TRRAP: variants seen among roughly 807,000 people sequenced by gnomAD.
The protein encoded by TRRAP is transformation/transcription domain associated protein.
Under a neutral mutation model 438.8 loss-of-function variants are expected in TRRAP, and 41 were observed. That is an observed-to-expected ratio of 0.09 (90% CI 0.07 to 0.12). The LOEUF (loss-of-function observed/expected upper bound fraction) is 0.12. Ranked by LOEUF, TRRAP falls within the 10% of genes least tolerant of loss-of-function variation. The pLI, the probability that TRRAP is intolerant of heterozygous loss-of-function variation, is 1.00. For synonymous variants in TRRAP, 1,994 were observed against 1,962.9 expected (o/e 1.02, Z -0.42); for missense variants, 3,122 against 5,055.1 (o/e 0.62, Z 11.60).
At chr7:98,954,292 G>A (rs1372972773) in intron 40 of TRRAP, among the ~76,000 whole-genome samples, 2 of 152,238 alleles carry the variant, frequency 1.3e-5, no homozygotes, top group African/African-American at 4.8e-5. Context: ...ATGCCCTTTG[G>A]CAAGTTAATG....
At chr7:99,007,080 T>C (rs921351111) in intron 69 of TRRAP, among the ~76,000 whole-genome samples, 3 of 152,236 alleles carry the variant, frequency 2.0e-5, no homozygotes, top group African/African-American at 7.2e-5. Context: ...AACAGAGTAC[T>C]GGTCACCATG....
intron 1 of TRRAP, among the ~76,000 whole-genome samples, chr7:98,880,262 G>GTTTTGT (rs1554402830): frequency 0.38 from 50,455 of 132,030 alleles, 11,609 homozygotes; most frequent in Non-Finnish European, 0.49. Flanking sequence ...TGTTGTTGTT[G>GTTTTGT]TTTTTTTTTT....
At chr7:98,951,890 G>A (rs1554418307) in intron 39 of TRRAP, among the ~76,000 whole-genome samples, 1 of 152,064 alleles carries the variant, frequency 6.6e-6, no homozygotes, top group Admixed American at 6.6e-5. Flanking sequence ...ATGGGGTCCA[G>A]ACAGGACCCC....
chr7:98,937,410 T>C, intron 29 of TRRAP, 133 bp downstream of exon 29: 1 of 1,323,698 alleles, frequency 7.6e-7, no homozygotes, highest in Admixed American at 3.0e-5. Flanking sequence ...ATGTGGTTAT[T>C]ACACACTAAA....
At chr7:99,008,324 C>G in intron 69 of TRRAP, 53 bp from the exon 70 acceptor site, 1 of 1,564,476 alleles carries the variant, frequency 6.4e-7, no homozygotes, top group South Asian at 1.2e-5. Context: ...TGGAGCTGAG[C>G]ACTGGCCCGC....
At chr7:98,965,119 C>G (rs1040783369) in intron 48 of TRRAP, among the ~76,000 whole-genome samples, 10 of 152,372 alleles carry the variant, frequency 6.6e-5, no homozygotes, top group African/African-American at 2.2e-4. Flanking sequence ...TTGAGACTCT[C>G]TCTCACGTGT....
chr7:98,894,109 GA>G (rs1554405387), intron 6 of TRRAP, among the ~76,000 whole-genome samples: 9 of 152,188 alleles, frequency 5.9e-5, no homozygotes, highest in African/African-American at 2.2e-4. Context: ...TGACCAAACT[GA>G]CAGGTTATTT....
At chr7:98,975,151 C>G (rs570320295) in intron 53 of TRRAP, among the ~76,000 whole-genome samples, 1 of 152,352 alleles carries the variant, frequency 6.6e-6, no homozygotes, top group Admixed American at 6.5e-5. Flanking sequence ...ACAGTCCTCA[C>G]AGGGCAGCCT....
At chr7:98,895,346 C>T (rs1424272031) in intron 6 of TRRAP, among the ~76,000 whole-genome samples, 1 of 152,100 alleles carries the variant, frequency 6.6e-6, no homozygotes, top group Non-Finnish European at 1.5e-5. Flanking sequence ...CATAGACTAG[C>T]TTTGTAGGAG....
chr7:98,909,970 A>G (rs1034481798), intron 14 of TRRAP, 86 bp from the exon 15 acceptor site: 15 of 1,475,474 alleles, frequency 1.0e-5, no homozygotes, highest in Non-Finnish European at 1.3e-5. Flanking sequence ...TGTCAGTCCC[A>G]TCTTATTTTA....
intron 22 of TRRAP, 93 bp downstream of exon 22, chr7:98,925,356 C>T: frequency 6.6e-7 from 1 of 1,522,076 alleles, no homozygotes; most frequent in Non-Finnish European, 8.8e-7. Context: ...GTGCTAGGAG[C>T]AGGCTCCTTG....
intron 67 of TRRAP, among the ~76,000 whole-genome samples, chr7:98,996,389 T>A (rs1230626213): frequency 6.6e-6 from 1 of 152,212 alleles, no homozygotes; most frequent in African/African-American, 2.4e-5. Context: ...AGGTTCTCAC[T>A]GAGAGCTCCT....
At chr7:98,890,781 CTTTT>C (rs71118642) in intron 4 of TRRAP, among the ~76,000 whole-genome samples, 6 of 53,046 alleles carry the variant, frequency 1.1e-4, no homozygotes, top group Admixed American at 3.1e-4. Flanking sequence ...AATGTCAGTT[CTTTT>C]TTTTTTTTTT....
At chr7:98,950,764 T>G (rs556940104) in intron 38 of TRRAP, 112 bp from the exon 39 acceptor site, 38 of 1,309,622 alleles carry the variant, frequency 2.9e-5, no homozygotes, top group Non-Finnish European at 3.7e-5. Context: ...ACACCCTGGG[T>G]TGAGTTCCAA....
chr7:99,008,007 GT>G (rs1306594642), intron 69 of TRRAP, among the ~76,000 whole-genome samples: 1 of 151,606 alleles, frequency 6.6e-6, no homozygotes, highest in African/African-American at 2.4e-5. Context: ...TGTATTTTTA[GT>G]AGAGACGAGG....
rs782225643 is a variant in TRRAP, at chr7:98,893,901, T to C, written c.450+20T>C. The C allele has an allele frequency of 6.2e-7, 1 of 1,608,752 alleles. No homozygotes were observed. On this transcript the variant is annotated intron_variant, in intron 6 of 72. Coordinates refer to ENST00000456197, the MANE Select transcript of TRRAP (RefSeq NM_001375524.1). ...CAAGAAGTAAGTTGTTTAAAATCCT[T>C]ATAGCATTTATAAAGTGTGTCAACA...
Position 99,011,518 on chromosome 7 carries a change from G to A in TRRAP, c.11320G>A (p.Ala3774Thr). 5.0e-6 allele frequency: 8 copies of A among 1,613,732 alleles called. No homozygotes were observed. Among genetic ancestry groups the A allele is most frequent in the Non-Finnish European group, 5.1e-6 (6 of 1,179,836 alleles). ...CATGATTGCGGTCGCCCGGTGCTTC[G>A]CCCAGCCAAACTTTAAGGTGGGTCT... ...ASMIAVARCFAQPNFKVDGIL... is the reference protein window; with the variant it reads ...ASMIAVARCFTQPNFKVDGIL... The change falls in exon 72 of 73, where the codon GCC becomes ACC. Residue 3774 changes from alanine (A) to threonine (T), a missense_variant. By Grantham distance (58) the Ala-to-Thr change is moderately conservative. This residue lies in a region of TRRAP where 192 missense variants were observed against 355.6 expected (regional missense o/e 0.54). Transcript: ENST00000456197. The surrounding 1 kb of genome is among the most constrained non-coding windows in gnomAD (Gnocchi z 7.1).
At chr7:98,899,397 G>A in intron 8 of TRRAP, 25 bp from the exon 9 acceptor site, 1 of 1,612,002 alleles carries the variant, frequency 6.2e-7, no homozygotes, top group African/African-American at 1.3e-5. Flanking sequence ...TGGTAACCCG[G>A]GTCCTACCCA....
chr7:98,951,057 A>ATATGTGTGTG, intron 39 of TRRAP, 53 bp downstream of exon 39: 1 of 662,226 alleles, frequency 1.5e-6, no homozygotes, highest in Non-Finnish European at 2.2e-6. Flanking sequence ...GTGGATGAAC[A>ATATGTGTGTG]TCTGTGTGTG....
Sources: gnomAD v4.1 joint callset for allele counts (sites outside exome capture counted in the v4.1 genomes callset) on GRCh38, gnomAD v4.1.1 for gene constraint, gnomAD v4.1.1 regional missense constraint, Gnocchi (gnomAD v3.1) non-coding constraint, MANE v1.5 for transcripts, NCBI Gene and HGNC (gene_info 2026-07-23, HGNC 2026-07-21) for gene names.